The following CCDC93 variants were observed in gnomAD, a reference collection of about 807,000 sequenced individuals.
CCDC93 encodes the protein coiled-coil domain-containing protein 93.
In CCDC93, 61 loss-of-function variants were observed where a neutral mutation model predicts 108.2. The observed-to-expected ratio is 0.56, with a 90% CI of 0.46 to 0.70. The LOEUF is 0.70. Ranked by LOEUF, CCDC93 falls within the 30% of genes least tolerant of loss-of-function variation. CCDC93 has a pLI of 0.00. For synonymous variants in CCDC93, 276 were observed against 260.4 expected, an observed-to-expected ratio of 1.06 and a Z score of -0.58; for missense variants, 685 against 764.2, an observed-to-expected ratio of 0.90 and a Z score of 1.22.
intron 12 of CCDC93, among the ~76,000 whole-genome samples, chr2:117,954,644 T>C (rs574971030): frequency 6.6e-6 from 1 of 152,208 alleles, no homozygotes; most frequent in Non-Finnish European, 1.5e-5. Context: ...CTCTCAGGTT[T>C]CCTCTTAGCT....
intron 1 of CCDC93, among the ~76,000 whole-genome samples, chr2:118,011,088 T>G (rs1677009919): frequency 6.6e-6 from 1 of 152,150 alleles, no homozygotes; most frequent in Non-Finnish European, 1.5e-5. Context: ...CAAACAACAT[T>G]AAGCTCCAAG....
chr2:117,974,000 A>C lies in CCDC93; in HGVS notation c.802-6T>G, dbSNP rs764320642. On this transcript the variant is annotated splice_region_variant and splice_polypyrimidine_tract_variant and intron_variant, in intron 10 of 23. Coordinates refer to ENST00000376300, the MANE Select transcript of CCDC93 (RefSeq NM_019044.5). Reference sequence around the variant, plus strand: ...GAGCTTGCGGTGAGACGGCTCTGCAAGTATATGGAGGGAATGTTCTCAAGG... The same window carrying C: ...GAGCTTGCGGTGAGACGGCTCTGCACGTATATGGAGGGAATGTTCTCAAGG... 6.3e-7 allele frequency: 1 copy of C among 1,589,806 alleles called. No individual in the cohort carries two copies. Among genetic ancestry groups the C allele is most frequent in the Non-Finnish European group, 8.6e-7 (1 of 1,162,016 alleles).
intron 11 of CCDC93, among the ~76,000 whole-genome samples, chr2:117,968,651 A>T (rs1446916204): frequency 6.6e-6 from 1 of 152,208 alleles, no homozygotes; most frequent in Non-Finnish European, 1.5e-5. Context: ...AATACTGCAC[A>T]TGTTTTTTAC....
chr2:117,951,273 C>T (rs754768355), intron 13 of CCDC93: 18 of 985,200 alleles, frequency 1.8e-5, no homozygotes, highest in Admixed American at 6.2e-5. Context: ...CCGTAAGGAA[C>T]CCAGTCACAG....
chr2:117,949,349 TC>T lies in CCDC93; in HGVS notation c.1114del (p.Glu372ArgfsTer3). 1 of 1,613,902 alleles carries T rather than the reference TC, an allele frequency of 6.2e-7. No individual in the cohort carries two copies. Among genetic ancestry groups the T allele is most frequent in the Non-Finnish European group, 8.5e-7 (1 of 1,179,726 alleles). On this transcript the variant is annotated frameshift_variant, in exon 14 of 24. Transcript: ENST00000376300. LOFTEE classifies it high-confidence loss of function. ...TGGATCAGCTTTGGATTCTATCTTC[TC>T]GAGGGCTGCTTGCTCTTTGTCCAGT... ...EKLDKEQAALEKIESKADPSI... is the reference protein window; with the variant it reads ...EKLDKEQAALXKIESKADPSI...
chr2:117,939,413 G>A (rs1367149716), intron 19 of CCDC93, among the ~76,000 whole-genome samples: 1 of 152,206 alleles, frequency 6.6e-6, no homozygotes, highest in African/African-American at 2.4e-5. Flanking sequence ...GGTGGGGGTT[G>A]TAGATATTTG....
At chr2:117,960,687 T>C (rs1679364299) in intron 11 of CCDC93, among the ~76,000 whole-genome samples, 1 of 152,206 alleles carries the variant, frequency 6.6e-6, no homozygotes, top group Non-Finnish European at 1.5e-5. Context: ...TTTCTGTTGA[T>C]AGCTATCTAA....
chr2:117,938,555 GAAAAAA>G (rs36126432), intron 20 of CCDC93, among the ~76,000 whole-genome samples: 1 of 138,226 alleles, frequency 7.2e-6, no homozygotes, highest in Admixed American at 7.2e-5. Flanking sequence ...AAAAAGACAA[GAAAAAA>G]AAAAAAAAAA....
chr2:117,972,482 A>C (rs1390927560), intron 11 of CCDC93, among the ~76,000 whole-genome samples: 3 of 152,182 alleles, frequency 2.0e-5, no homozygotes, highest in South Asian at 2.1e-4. Flanking sequence ...AGGCAGGGAA[A>C]AGTGTGGAAA....
At chr2:117,986,641 A>G (rs754252685) in intron 6 of CCDC93, among the ~76,000 whole-genome samples, 2 of 152,150 alleles carry the variant, frequency 1.3e-5, no homozygotes, top group Non-Finnish European at 2.9e-5. Flanking sequence ...TTCCCCATGG[A>G]TAATTCTGGT....
intron 15 of CCDC93, 82 bp downstream of exon 15, chr2:117,948,023 G>A (rs1054304777): frequency 2.7e-6 from 3 of 1,126,942 alleles, no homozygotes; most frequent in African/African-American, 3.1e-5. Context: ...CACTGGATAG[G>A]ATGCCACAAC....
chr2:117,986,822 T>C (rs945798899), intron 6 of CCDC93, among the ~76,000 whole-genome samples: 7 of 152,162 alleles, frequency 4.6e-5, no homozygotes, highest in Admixed American at 1.3e-4. Context: ...TTCCCCAGTT[T>C]ACTGCTGGTG....
intron 18 of CCDC93, among the ~76,000 whole-genome samples, chr2:117,942,205 A>G (rs1015945884): frequency 2.6e-5 from 4 of 152,152 alleles, no homozygotes; most frequent in African/African-American, 9.7e-5. Context: ...GTTTTCTTTC[A>G]GGAGTCTTAA....
Position 117,996,368 on chromosome 2 carries a change from G to GTC in CCDC93, c.364-7_364-6insGA, listed in dbSNP as rs573556754. 8.7e-4 allele frequency: 1,389 copies of GTC among 1,602,250 alleles called. 28 individuals are homozygous for GTC. The South Asian group carries it at 0.014, about 16-fold the overall frequency. On this transcript the variant is annotated splice_region_variant and splice_polypyrimidine_tract_variant and intron_variant, in intron 4 of 23. Coordinates refer to ENST00000376300, the MANE Select transcript of CCDC93 (RefSeq NM_019044.5). Reference sequence around the variant, plus strand: ...ATAGCTCGTTTCACCAGCCACTGGGGAAGAAAGTGAAAAGACAAGAGTTGC... The same window carrying GTC: ...ATAGCTCGTTTCACCAGCCACTGGGGTCAAGAAAGTGAAAAGACAAGAGTTGC...
Position 117,990,462 on chromosome 2 carries a change from C to T in CCDC93, c.520-4393G>A, listed in dbSNP as rs910799832. Among the ~76,000 whole-genome samples the T allele has an allele frequency of 4.5e-4, 68 of 152,106 alleles. 2 individuals carry two copies. Among genetic ancestry groups the T allele is most frequent in the South Asian group, 2.1e-4 (1 of 4,826 alleles). On this transcript the variant is annotated intron_variant, in intron 6 of 23. Transcript: ENST00000376300. ...AAACAGAACACGCCCATCATAAGCT[C>T]GGATGATAAAGTTCACAGCGGCCTT...
intron 1 of CCDC93, among the ~76,000 whole-genome samples, chr2:118,009,788 G>C (rs1428360240): frequency 1.3e-5 from 2 of 152,258 alleles, no homozygotes; most frequent in South Asian, 4.1e-4. Context: ...TTTCGATCTC[G>C]AAAACAAATA....
Position 117,939,044 on chromosome 2 carries a change from A to C in CCDC93, c.1590T>G (p.Val530=). Residue 530 remains valine (V), a synonymous_variant, in exon 20 of 24, where the codon GTT becomes GTG. Coordinates refer to ENST00000376300, the MANE Select transcript of CCDC93 (RefSeq NM_019044.5). The part of the protein sequence containing the change: ...TLYNTLDDKK[V]YLEKEISLLN... Reference sequence around the variant, plus strand: ...ATGTTCTTACCTCTTTTTCCAAATAAACCTTTTTATCATCCAGGGTATTAT... The same window carrying C: ...ATGTTCTTACCTCTTTTTCCAAATACACCTTTTTATCATCCAGGGTATTAT... 1 of 1,589,538 alleles carries C rather than the reference A, an allele frequency of 6.3e-7. No individual in the cohort carries two copies. Among genetic ancestry groups the C allele is most frequent in the Non-Finnish European group, 8.6e-7 (1 of 1,158,622 alleles).
At chr2:117,951,017 A>T in intron 13 of CCDC93, 3 of 983,706 alleles carry the variant, frequency 3.0e-6, no homozygotes, top group Non-Finnish European at 2.4e-6. Flanking sequence ...ACCTTTCTAT[A>T]ACATGAAAAG....
At chr2:117,973,431 CA>C (rs749111938) in intron 11 of CCDC93, among the ~76,000 whole-genome samples, 1,897 of 135,904 alleles carry the variant, frequency 0.014, 11 homozygotes, top group African/African-American at 0.018. Flanking sequence ...AAAAAAAAAG[CA>C]AACTCTGAAA....
Sources: gnomAD v4.1 joint callset for allele counts (sites outside exome capture counted in the v4.1 genomes callset) on GRCh38, gnomAD v4.1.1 for gene constraint, MANE v1.5 for transcripts, NCBI Gene and HGNC (gene_info 2026-07-23, HGNC 2026-07-21) for gene names.